MYRIP: variants seen among roughly 807,000 people sequenced by gnomAD.
The protein encoded by MYRIP is rab effector MyRIP.
Under a neutral mutation model 98.0 loss-of-function variants are expected in MYRIP, and 49 were observed. The ratio of observed to expected loss-of-function variants is 0.50; its 90% CI spans 0.40 to 0.63. The LOEUF is 0.63. Among genes scored for constraint, MYRIP ranks in the 30% least tolerant of loss-of-function variants. The pLI, the probability that MYRIP is intolerant of heterozygous loss-of-function variation, is 0.00. For synonymous variants in MYRIP, 404 were observed against 409.5 expected, an observed-to-expected ratio of 0.99 and a Z score of 0.16; for missense variants, 1,004 against 1,058.2, an observed-to-expected ratio of 0.95 and a Z score of 0.71.
intron 3 of MYRIP, among the ~76,000 whole-genome samples, chr3:40,061,828 G>C (rs1206585565): frequency 6.6e-6 from 1 of 152,104 alleles, no homozygotes; most frequent in East Asian, 1.9e-4. Flanking sequence ...TTGTGGTTTT[G>C]ATTTGCATTT....
intron 9 of MYRIP, 29 bp downstream of exon 9, chr3:40,182,402 T>C: frequency 6.3e-7 from 1 of 1,593,610 alleles, no homozygotes; most frequent in Non-Finnish European, 8.6e-7. Flanking sequence ...ATCTAGTTGG[T>C]CTGTGGGTTT....
At chr3:39,904,024 T>C (rs1441750247) in intron 2 of MYRIP, among the ~76,000 whole-genome samples, 1 of 152,234 alleles carries the variant, frequency 6.6e-6, no homozygotes, top group Non-Finnish European at 1.5e-5. Flanking sequence ...TCATTATTTC[T>C]GAGATAATTC....
At chr3:39,945,499 G>GA (rs894024435) in intron 2 of MYRIP, among the ~76,000 whole-genome samples, 1 of 120,850 alleles carries the variant, frequency 8.3e-6, no homozygotes, top group Non-Finnish European at 1.8e-5. Context: ...AAAGAAAAAA[G>GA]AAAAAAAAAG....
At chr3:40,247,895 C>T (rs984207392) in intron 13 of MYRIP, among the ~76,000 whole-genome samples, 1 of 152,246 alleles carries the variant, frequency 6.6e-6, no homozygotes. Context: ...GGCATACACG[C>T]ACTTGCCTAG....
intron 2 of MYRIP, among the ~76,000 whole-genome samples, chr3:39,973,280 C>A (rs993037327): frequency 6.6e-6 from 1 of 151,950 alleles, no homozygotes; most frequent in Non-Finnish European, 1.5e-5. Flanking sequence ...GACTTTAAAC[C>A]AACAAAGATC....
intron 11 of MYRIP, among the ~76,000 whole-genome samples, chr3:40,211,722 T>C (rs1951933790): frequency 3.3e-5 from 5 of 152,164 alleles, no homozygotes; most frequent in Admixed American, 3.3e-4. Flanking sequence ...CTGCCTATGG[T>C]CCCAAGGCTC....
chr3:40,207,228 A>G (rs970242009), intron 10 of MYRIP, among the ~76,000 whole-genome samples: 6 of 152,222 alleles, frequency 3.9e-5, no homozygotes, highest in African/African-American at 1.4e-4. Context: ...CTATGCAAGC[A>G]GCTTCATGCA....
chr3:40,088,951 G>A (rs893057000), intron 3 of MYRIP, among the ~76,000 whole-genome samples: 96 of 151,966 alleles, frequency 6.3e-4, no homozygotes, highest in Non-Finnish European at 1.8e-4. Context: ...GGTAACCAGA[G>A]GAATGGTAAG....
intron 12 of MYRIP, among the ~76,000 whole-genome samples, chr3:40,239,121 T>C (rs1952918087): frequency 6.8e-6 from 1 of 146,348 alleles, no homozygotes; most frequent in Non-Finnish European, 1.5e-5. Context: ...TGTGTTCTCA[T>C]TGTTCAATTC....
intron 2 of MYRIP, among the ~76,000 whole-genome samples, chr3:39,907,788 G>A (rs546312003): frequency 6.6e-6 from 1 of 152,266 alleles, no homozygotes; most frequent in Admixed American, 6.5e-5. Flanking sequence ...GGCAGTTAGT[G>A]GTAGAGTCTG....
At position 40,234,038 on chromosome 3, in the gene MYRIP, T is replaced by G. The variant is rs771499046; in HGVS notation, c.2085T>G (p.Thr695=). The part of the protein sequence containing the change: ...TDQVRLDEQL[T]SLEENVYLAA... ...AAGTGAGACTGGATGAGCAGCTGAC[T>G]TCCCTGGAAGAAAATGTAAGAGGGT... The change falls in exon 12 of 17, where the codon ACT becomes ACG. Residue 695 remains threonine, a synonymous_variant. Transcript: ENST00000302541. The G allele has an allele frequency of 6.2e-7, 1 of 1,603,336 alleles. No individual in the cohort carries two copies. The highest frequency in any genetic ancestry group is 8.5e-7 in the Non-Finnish European group (1 of 1,176,974).
At chr3:39,983,928 G>C (rs1429558328) in intron 2 of MYRIP, among the ~76,000 whole-genome samples, 1 of 152,130 alleles carries the variant, frequency 6.6e-6, no homozygotes, top group Non-Finnish European at 1.5e-5. Flanking sequence ...TTTGGAAACT[G>C]AAAATTAAAT....
At chr3:40,086,659 C>T (rs965309950) in intron 3 of MYRIP, among the ~76,000 whole-genome samples, 1 of 152,198 alleles carries the variant, frequency 6.6e-6, no homozygotes, top group Admixed American at 6.5e-5. Context: ...GCATTCCAGG[C>T]TTAAATCCTA....
intron 3 of MYRIP, among the ~76,000 whole-genome samples, chr3:40,123,049 G>A (rs568030651): frequency 6.6e-6 from 1 of 152,186 alleles, no homozygotes; most frequent in East Asian, 1.9e-4. Context: ...TATTTTGTAT[G>A]AATACATCTA....
intron 10 of MYRIP, among the ~76,000 whole-genome samples, chr3:40,196,783 T>C (rs1440132240): frequency 6.6e-6 from 1 of 152,200 alleles, no homozygotes; most frequent in Non-Finnish European, 1.5e-5. Context: ...ATTTCTCTAA[T>C]TTCCCACCCT....
intron 8 of MYRIP, among the ~76,000 whole-genome samples, chr3:40,180,541 C>T (rs1421618539): frequency 6.6e-6 from 1 of 152,188 alleles, no homozygotes; most frequent in African/African-American, 2.4e-5. Context: ...GGTAGATTTC[C>T]CACAGGCCAT....
intron 2 of MYRIP, among the ~76,000 whole-genome samples, chr3:39,912,485 A>G (rs1292586293): frequency 6.6e-6 from 1 of 152,214 alleles, no homozygotes; most frequent in African/African-American, 2.4e-5. Flanking sequence ...ATTCAAATAT[A>G]TCCAACAAAA....
intron 3 of MYRIP, among the ~76,000 whole-genome samples, chr3:40,059,548 T>C (rs1219089899): frequency 6.6e-6 from 1 of 152,212 alleles, no homozygotes; most frequent in African/African-American, 2.4e-5. Context: ...GATGAGCTTT[T>C]TTTCATATGT....
At chr3:40,180,110 T>A (rs1950851437) in intron 8 of MYRIP, among the ~76,000 whole-genome samples, 1 of 152,198 alleles carries the variant, frequency 6.6e-6, no homozygotes, top group South Asian at 2.1e-4. Flanking sequence ...CAGTGCTTGC[T>A]GTGCCCTCAG....
Sources: allele counts gnomAD v4.1 joint callset (sites outside exome capture counted in the v4.1 genomes callset), GRCh38; gene constraint gnomAD v4.1.1; transcripts MANE v1.5; gene names NCBI Gene and HGNC (gene_info 2026-07-23, HGNC 2026-07-21).